CMIP: variants seen among roughly 807,000 people sequenced by gnomAD.
CMIP encodes C-Maf-inducing protein.
A neutral mutation model predicts 97.3 loss-of-function variants in CMIP; 13 were observed. That is an observed-to-expected ratio of 0.13 (90% CI 0.09 to 0.21). The LOEUF is 0.21. Ranked by LOEUF, CMIP falls within the 10% of genes least tolerant of loss-of-function variation. The pLI is 1.00. For missense variants in CMIP, 847 were observed against 1,024.9 expected (o/e 0.83, Z 2.37); for synonymous variants, 538 against 436.3 (o/e 1.23, Z -2.91).
At chr16:81,586,509 T>A (rs1327446547) in intron 1 of CMIP, among the ~76,000 whole-genome samples, 1 of 152,132 alleles carries the variant, frequency 6.6e-6, no homozygotes, top group Non-Finnish European at 1.5e-5. Context: ...GAGAATTAAA[T>A]CCCAGTAAGC....
At chr16:81,537,150 C>A (rs569982497) in intron 1 of CMIP, among the ~76,000 whole-genome samples, 2 of 152,324 alleles carry the variant, frequency 1.3e-5, no homozygotes, top group African/African-American at 4.8e-5. Context: ...AGGGTCCCCC[C>A]TGCTCACCGT....
At chr16:81,510,549 A>G (rs2089791550) in intron 1 of CMIP, among the ~76,000 whole-genome samples, 1 of 152,170 alleles carries the variant, frequency 6.6e-6, no homozygotes, top group Admixed American at 6.5e-5. Flanking sequence ...TCACACAACC[A>G]GCCAGGCACA....
chr16:81,588,744 G>A (rs2150915740), intron 1 of CMIP, among the ~76,000 whole-genome samples: 1 of 152,270 alleles, frequency 6.6e-6, no homozygotes, highest in Non-Finnish European at 1.5e-5. Context: ...AAGCCGGTGT[G>A]CTGTTTAGTC....
At chr16:81,458,210 G>A (rs1054825668) in intron 1 of CMIP, among the ~76,000 whole-genome samples, 1 of 152,146 alleles carries the variant, frequency 6.6e-6, no homozygotes, top group Non-Finnish European at 1.5e-5. Context: ...GCCTTCATCT[G>A]TTTGACCCCA....
chr16:81,474,015 G>T (rs1049984129), intron 1 of CMIP, among the ~76,000 whole-genome samples: 6 of 152,190 alleles, frequency 3.9e-5, no homozygotes, highest in Middle Eastern at 3.4e-3. Context: ...TTCCGAGGTG[G>T]TGCTTCCTGT....
intron 7 of CMIP, among the ~76,000 whole-genome samples, chr16:81,669,058 C>G (rs1051521771): frequency 8.1e-5 from 12 of 148,092 alleles, no homozygotes; most frequent in Non-Finnish European, 1.6e-4. Flanking sequence ...TCCTTCCACA[C>G]CCACCTCTCA....
chr16:81,448,410 A>G (rs959968796), intron 1 of CMIP, among the ~76,000 whole-genome samples: 6 of 152,254 alleles, frequency 3.9e-5, no homozygotes, highest in Admixed American at 3.3e-4. Context: ...GCACATCTGC[A>G]TCAGGCTGGG....
Position 81,701,754 on chromosome 16 carries a change from G to A in CMIP, c.1850G>A (p.Arg617His), listed in dbSNP as rs377104079. The change falls in exon 16 of 21, where the codon CGC (arginine) becomes CAC (histidine). Residue 617 changes from arginine to histidine, a missense_variant. Arg to His is a conservative substitution (Grantham distance 29, BLOSUM62 0). Around this residue, in one of 4 missense-constraint regions of CMIP, gnomAD observed 266 missense variants for 384.2 expected, o/e 0.69. Coordinates refer to ENST00000537098, the MANE Select transcript of CMIP (RefSeq NM_198390.3). ...CTGGAGAGCACAGACGTGGGGAAGC[G>A]CATGTACGAGCAGCTGTGTGACCGG... ...STLESTDVGK[R>H]MYEQLCDRQR... 116 of 1,613,830 alleles carry A rather than the reference G, an allele frequency of 7.2e-5. No homozygotes were observed. In the African/African-American group the frequency reaches 1.4e-3, roughly 20 times the overall value.
At chr16:81,651,692 T>C (rs377686975) in intron 3 of CMIP, among the ~76,000 whole-genome samples, 4 of 152,076 alleles carry the variant, frequency 2.6e-5, no homozygotes, top group Non-Finnish European at 4.4e-5. Context: ...GGGAAGTGAG[T>C]TTGGCAGAAG....
intron 1 of CMIP, among the ~76,000 whole-genome samples, chr16:81,489,431 C>G (rs553960599): frequency 6.6e-6 from 1 of 152,168 alleles, no homozygotes; most frequent in Admixed American, 6.5e-5. Context: ...GTAGTCAGAG[C>G]GTATTATTCA....
chr16:81,508,347 A>G (rs895762209), intron 1 of CMIP, among the ~76,000 whole-genome samples: 1 of 152,188 alleles, frequency 6.6e-6, no homozygotes, highest in African/African-American at 2.4e-5. Context: ...AATACGTACA[A>G]ATTTGGTTTG....
At chr16:81,512,564 G>A (rs561130377) in intron 1 of CMIP, among the ~76,000 whole-genome samples, 2 of 152,240 alleles carry the variant, frequency 1.3e-5, no homozygotes, top group Admixed American at 6.5e-5. Flanking sequence ...AGGAAAGGCA[G>A]CAGAAATGCT....
chr16:81,624,766 T>TGATA (rs1320786125), intron 3 of CMIP, among the ~76,000 whole-genome samples: 1 of 152,218 alleles, frequency 6.6e-6, no homozygotes, highest in Non-Finnish European at 1.5e-5. Flanking sequence ...GGGACAGTCA[T>TGATA]GATAACAGGG....
intron 1 of CMIP, among the ~76,000 whole-genome samples, chr16:81,557,749 G>A (rs1342657215): frequency 6.6e-6 from 1 of 152,224 alleles, no homozygotes; most frequent in African/African-American, 2.4e-5. Flanking sequence ...CTGGTTGACA[G>A]ATCAAGAACC....
chr16:81,533,308 A>G (rs1383902878), intron 1 of CMIP, among the ~76,000 whole-genome samples: 1 of 152,162 alleles, frequency 6.6e-6, no homozygotes, highest in Non-Finnish European at 1.5e-5. Flanking sequence ...CATAGTTTTG[A>G]GTGAGTGAAC....
chr16:81,682,889 T>G (rs1905014339), intron 10 of CMIP, among the ~76,000 whole-genome samples: 1 of 152,272 alleles, frequency 6.6e-6, no homozygotes, highest in Middle Eastern at 3.4e-3. Context: ...GGGTCGAGGT[T>G]GATGGTGAAA....
At chr16:81,682,136 G>C (rs1026259981) in intron 10 of CMIP, among the ~76,000 whole-genome samples, 1 of 152,124 alleles carries the variant, frequency 6.6e-6, no homozygotes, top group Non-Finnish European at 1.5e-5. Flanking sequence ...CCCGGGGGGC[G>C]GAGGTTGCAG....
chr16:81,557,912 C>G (rs1486716302), intron 1 of CMIP, among the ~76,000 whole-genome samples: 1 of 152,220 alleles, frequency 6.6e-6, no homozygotes. Flanking sequence ...TTCATCTTAT[C>G]AGACAGAGAC....
chr16:81,638,365 G>A (rs1337893676), intron 3 of CMIP, among the ~76,000 whole-genome samples: 8 of 152,104 alleles, frequency 5.3e-5, no homozygotes, highest in Admixed American at 6.5e-5. Flanking sequence ...ATGTGTCTCC[G>A]GGCACAGCCC....
Sources: gnomAD v4.1 joint callset for allele counts (sites outside exome capture counted in the v4.1 genomes callset) on GRCh38, gnomAD v4.1.1 for gene constraint, gnomAD v4.1.1 regional missense constraint, MANE v1.5 for transcripts, NCBI Gene and HGNC (gene_info 2026-07-23, HGNC 2026-07-21) for gene names.